The following ERICH3 variants were observed in gnomAD, a reference collection of about 807,000 sequenced individuals.
The protein encoded by ERICH3 is glutamate rich 3.
Under a neutral mutation model 131.1 loss-of-function variants are expected in ERICH3, and 126 were observed. The ratio of observed to expected loss-of-function variants is 0.96; its 90% CI spans 0.83 to 1.11. The LOEUF (loss-of-function observed/expected upper bound fraction) is 1.11, where lower values mean the gene tolerates loss of function less well. ERICH3 is among the 50% of genes most tolerant of loss of function. The pLI, the probability that ERICH3 is intolerant of heterozygous loss-of-function variation, is 0.00. For synonymous variants in ERICH3, 695 were observed against 644.6 expected, an observed-to-expected ratio of 1.08 and a Z score of -1.18; for missense variants, 2,050 against 1,810.7, an observed-to-expected ratio of 1.13 and a Z score of -2.40.
chr1:74,632,721 TAAAAAGG>T (rs1646352127), intron 6 of ERICH3, among the ~76,000 whole-genome samples: 1 of 151,930 alleles, frequency 6.6e-6, no homozygotes, highest in Non-Finnish European at 1.5e-5. Context: ...TATCCTGAAA[TAAAAAGG>T]TTCATATGGT....
At chr1:74,614,378 A>AT (rs1648852403) in intron 8 of ERICH3, among the ~76,000 whole-genome samples, 1 of 151,050 alleles carries the variant, frequency 6.6e-6, no homozygotes, top group Non-Finnish European at 1.5e-5. Flanking sequence ...AAAAAAAAAA[A>AT]AAAAAAAAAA....
intron 7 of ERICH3, chr1:74,621,759 A>T (rs766689732): frequency 6.6e-6 from 1 of 152,196 alleles, no homozygotes; most frequent in African/African-American, 2.4e-5. Flanking sequence ...GAATGAGCAC[A>T]GTGTTTGCCT....
rs1000682071 is a variant in ERICH3 at position 74,568,302 on chromosome 1, T to G, written c.*2156A>C. 6.6e-5 allele frequency: 10 copies of G among 152,170 alleles called. No individual in the cohort carries two copies. The highest frequency in any genetic ancestry group is 2.4e-4 in the African/African-American group (10 of 41,456). 9.4% of individuals were successfully genotyped at this position (152,170 alleles called of 1,614,324 possible). On this transcript the variant is annotated 3_prime_UTR_variant, in exon 15 of 15. Coordinates refer to ENST00000326665, the MANE Select transcript of ERICH3 (RefSeq NM_001002912.5). ...TTGTAAAATTATGTTATGGGATGTT[T>G]TGATGGAGTGTGTTAAATATAAAAG...
chr1:74,570,529 T>C (rs1557651205), intron 14 of ERICH3, 90 bp from the exon 15 acceptor site: 2 of 152,228 alleles, frequency 1.3e-5, no homozygotes. Context: ...CTAAAGGAAA[T>C]AGCAGAATAT....
intron 10 of ERICH3, among the ~76,000 whole-genome samples, chr1:74,605,371 T>C (rs1648336739): frequency 6.6e-6 from 1 of 151,946 alleles, no homozygotes; most frequent in Non-Finnish European, 1.5e-5. Flanking sequence ...CATGTTCACT[T>C]GAAGTAGCAC....
At chr1:74,629,370 T>A (rs1456093505) in intron 7 of ERICH3, among the ~76,000 whole-genome samples, 50 of 148,884 alleles carry the variant, frequency 3.4e-4, no homozygotes, top group Admixed American at 3.0e-3. Flanking sequence ...GAGAAAAAGG[T>A]TTTTTTTTTC....
At chr1:74,591,180 C>T (rs1000469873) in intron 11 of ERICH3, among the ~76,000 whole-genome samples, 1 of 152,072 alleles carries the variant, frequency 6.6e-6, no homozygotes, top group African/African-American at 2.4e-5. Flanking sequence ...ATTTTGAGCT[C>T]TGCAGAAGCA....
chr1:74,651,230 G>C (rs145438389), intron 1 of ERICH3, among the ~76,000 whole-genome samples: 269 of 152,118 alleles, frequency 1.8e-3, no homozygotes, highest in Non-Finnish European at 2.7e-3. Context: ...CTCCTTAACA[G>C]CCCATCGCAG....
chr1:74,660,608 T>C (rs2100653355), intron 1 of ERICH3, among the ~76,000 whole-genome samples: 1 of 148,608 alleles, frequency 6.7e-6, no homozygotes, highest in Non-Finnish European at 1.5e-5. Context: ...TATATATATA[T>C]ATATATAGTG....
At chr1:74,616,835 G>A (rs1648987309) in intron 8 of ERICH3, among the ~76,000 whole-genome samples, 1 of 152,160 alleles carries the variant, frequency 6.6e-6, no homozygotes, top group African/African-American at 2.4e-5. Context: ...AGATATTGAA[G>A]TGACGGAACC....
At chr1:74,649,633 T>A (rs555623937) in intron 1 of ERICH3, among the ~76,000 whole-genome samples, 4 of 152,186 alleles carry the variant, frequency 2.6e-5, no homozygotes, top group African/African-American at 7.2e-5. Context: ...GGCCACCAGC[T>A]CCATTTGTCA....
At position 74,606,647 on chromosome 1, in the gene ERICH3, T is replaced by C; in HGVS notation, c.1443A>G (p.Pro481=). 6.2e-7 allele frequency: 1 copy of C among 1,612,132 alleles called. No homozygotes were observed. Among genetic ancestry groups the C allele is most frequent in the South Asian group, 1.1e-5 (1 of 90,806 alleles). ...GGTCGTCTTCCAAGACTTCTTGTCC[T>C]GGTTTTCCTTTACTTGTCATTTCCT... ...AVEEMTSKGK[P]GQEVLEDDQE... Residue 481 remains proline (P), a synonymous_variant, in exon 10 of 15, where the codon CCA becomes CCG. Coordinates refer to ENST00000326665, the MANE Select transcript of ERICH3 (RefSeq NM_001002912.5).
chr1:74,608,108 A>G (rs903735361), intron 9 of ERICH3, among the ~76,000 whole-genome samples: 2 of 151,964 alleles, frequency 1.3e-5, no homozygotes, highest in African/African-American at 4.8e-5. Context: ...GCACAACCAT[A>G]TTAGTCTATT....
At chr1:74,652,517 G>A (rs1324186658) in intron 1 of ERICH3, among the ~76,000 whole-genome samples, 1 of 151,836 alleles carries the variant, frequency 6.6e-6, no homozygotes, top group Non-Finnish European at 1.5e-5. Context: ...TCTGCGTTCA[G>A]TGCTACTTAC....
Position 74,585,731 on chromosome 1 carries a change from C to T in ERICH3, c.2176+3900G>A, listed in dbSNP as rs572154108. Among the ~76,000 whole-genome samples, 26 of 150,902 alleles carry T rather than the reference C, an allele frequency of 1.7e-4. No individual in the cohort carries two copies. In the Middle Eastern group the frequency reaches 0.01, roughly 59 times the overall value. On this transcript the variant is annotated intron_variant, in intron 12 of 14. Coordinates refer to ENST00000326665, the MANE Select transcript of ERICH3 (RefSeq NM_001002912.5). ...CCCTCTTTCATTTCTACCTACAGTT[C>T]CAGTCAGGGATCTAAGTACAATATA...
chr1:74,667,831 C>A (rs1308258990), intron 1 of ERICH3, among the ~76,000 whole-genome samples: 1 of 152,116 alleles, frequency 6.6e-6, no homozygotes, highest in Non-Finnish European at 1.5e-5. Context: ...TGTCCCCACC[C>A]AAATCTCATC....
intron 12 of ERICH3, among the ~76,000 whole-genome samples, chr1:74,580,461 C>A (rs939765142): frequency 6.6e-6 from 1 of 152,108 alleles, no homozygotes; most frequent in South Asian, 2.1e-4. Context: ...ATATGAATTG[C>A]TATGAATTTT....
intron 1 of ERICH3, among the ~76,000 whole-genome samples, chr1:74,670,294 T>C (rs923736437): frequency 3.9e-5 from 6 of 152,172 alleles, no homozygotes; most frequent in African/African-American, 1.4e-4. Context: ...TTTTTATATA[T>C]TTAGGCTCCT....
intron 12 of ERICH3, among the ~76,000 whole-genome samples, chr1:74,585,154 C>T (rs927132634): frequency 7.9e-5 from 12 of 152,136 alleles, no homozygotes; most frequent in South Asian, 4.1e-4. Context: ...CAAATTAATG[C>T]ACTTGAGTTA....
Sources: gnomAD v4.1 joint callset for allele counts (sites outside exome capture counted in the v4.1 genomes callset) on GRCh38, gnomAD v4.1.1 for gene constraint, MANE v1.5 for transcripts, NCBI Gene and HGNC (gene_info 2026-07-23, HGNC 2026-07-21) for gene names.